The following TNS1 variants were observed in gnomAD, a reference collection of about 807,000 sequenced individuals.
The protein encoded by TNS1 is tensin 1, also known as tensin-1.
Under a neutral mutation model 168.6 loss-of-function variants are expected in TNS1, and 62 were observed. That is an observed-to-expected ratio of 0.37 (90% CI 0.30 to 0.45). The LOEUF (loss-of-function observed/expected upper bound fraction) is 0.45, where lower values mean the gene tolerates loss of function less well. Ranked by LOEUF, TNS1 falls within the 20% of genes least tolerant of loss-of-function variation. The probability of loss-of-function intolerance (pLI) is 1.00; values close to 1 mark genes in which losing one functional copy is unlikely to be tolerated. For synonymous variants in TNS1, 934 were observed against 933.2 expected (o/e 1.00, Z -0.02); for missense variants, 2,240 against 2,339.4 (o/e 0.96, Z 0.88).
intron 7 of TNS1, among the ~76,000 whole-genome samples, chr2:217,899,005 C>T (rs1352212686): frequency 6.6e-6 from 1 of 152,238 alleles, no homozygotes; most frequent in African/African-American, 2.4e-5. Context: ...TTCTGCTAAC[C>T]TTTCACCACA....
chr2:218,003,009 C>A, upstream of TNS1: 2 of 443,958 alleles, frequency 4.5e-6, no homozygotes. Flanking sequence ...GGGCCTCTCG[C>A]CCTGCTGCCT....
At chr2:218,017,680 C>A (rs922937271) in intron 1 of TNS1, among the ~76,000 whole-genome samples, 2 of 152,226 alleles carry the variant, frequency 1.3e-5, no homozygotes, top group African/African-American at 4.8e-5. Context: ...CTATGCTGAG[C>A]CTGCTTCTTC....
chr2:217,879,410 T>G (rs1417558378), intron 18 of TNS1: 1 of 453,726 alleles, frequency 2.2e-6, no homozygotes, highest in African/African-American at 2.0e-5. Flanking sequence ...GCTTTCTGCT[T>G]GGCCGCTCAG....
rs1006618812 is a variant in TNS1, at chr2:217,862,647, G to A, written c.1430-13560C>T. Among the ~76,000 whole-genome samples the A allele has an allele frequency of 9.2e-5, 5 of 54,146 alleles. No individual in the cohort carries two copies. The East Asian group carries it at 1.9e-3, about 21-fold the overall frequency. 35.5% of individuals were successfully genotyped at this position (54,146 alleles called of 152,430 possible). ...TTCATTGGGCCCAACCCACCCACCC[G>A]ATTTCATCTGTCCAAGTCAGCGAAG... On this transcript the variant is annotated intron_variant, in intron 18 of 32. Coordinates refer to ENST00000682258, the MANE Select transcript of TNS1 (RefSeq NM_001387777.1).
intron 1 of TNS1, among the ~76,000 whole-genome samples, chr2:218,026,415 C>T (rs984080006): frequency 2.0e-5 from 3 of 152,160 alleles, no homozygotes; most frequent in Admixed American, 6.5e-5. Flanking sequence ...CAAGAAGACA[C>T]AGATGGAACA....
At chr2:217,980,159 TGGCCCAGCCC>T (rs1958004951) in intron 2 of TNS1, among the ~76,000 whole-genome samples, 1 of 152,076 alleles carries the variant, frequency 6.6e-6, no homozygotes, top group Non-Finnish European at 1.5e-5. Context: ...AACCTAGTCC[TGGCCCAGCCC>T]AGGCCTGTGA....
In TNS1 at chr2:217,895,033, T is replaced by C. The variant is rs1333544964; in HGVS notation, c.567A>G (p.Arg189=). 1.2e-6 allele frequency: 2 copies of C among 1,612,380 alleles called. No homozygotes were observed. Among genetic ancestry groups the C allele is most frequent in the East Asian group, 4.5e-5 (2 of 44,854 alleles). ...TGGCATGGAGCTTCGTGATGTCAGG[T>C]CTCCGCTCAGAGAGGTTGAACAGCT... is the stretch of plus-strand genomic sequence containing the variant. ...NYLLFNLSER[R]PDITKLHAKV... The change falls in exon 9 of 33, where the codon AGA becomes AGG. Residue 189 remains arginine (R), a synonymous_variant. Coordinates refer to ENST00000682258, the MANE Select transcript of TNS1 (RefSeq NM_001387777.1).
At chr2:217,943,080 G>A (rs1022259990) in intron 3 of TNS1, among the ~76,000 whole-genome samples, 1 of 152,162 alleles carries the variant, frequency 6.6e-6, no homozygotes, top group Non-Finnish European at 1.5e-5. Context: ...GGAGGGGTGG[G>A]GGGAGAGGGA....
intron 3 of TNS1, among the ~76,000 whole-genome samples, chr2:217,957,840 CAAAAAAAAA>C (rs35149245): frequency 2.7e-5 from 2 of 74,218 alleles, no homozygotes; most frequent in African/African-American, 7.9e-5. Flanking sequence ...AGTACTCCCG[CAAAAAAAAA>C]AAAAAAAAAA....
intron 3 of TNS1, among the ~76,000 whole-genome samples, chr2:217,928,996 G>A (rs998699270): frequency 2.6e-5 from 4 of 152,228 alleles, no homozygotes; most frequent in Admixed American, 6.5e-5. Flanking sequence ...ACCTGAACGA[G>A]GCAGGGAAGA....
chr2:217,896,121 G>A (rs900620730), intron 8 of TNS1, among the ~76,000 whole-genome samples: 3 of 152,154 alleles, frequency 2.0e-5, no homozygotes, highest in Admixed American at 6.5e-5. Flanking sequence ...CCCACTTTAC[G>A]GACACAGAAG....
Position 217,821,942 on chromosome 2 carries a change from G to C in TNS1, c.3374-4C>G. ...GACTCCACATAGCTCCGGGGCTCTG[G>C]AAGGGGCAAGAGGACAGAGACACTG... On this transcript the variant is annotated splice_polypyrimidine_tract_variant and splice_region_variant and intron_variant, in intron 22 of 32. Transcript: ENST00000682258. 1 of 1,578,842 alleles carries C rather than the reference G, an allele frequency of 6.3e-7. No homozygotes were observed. The highest frequency in any genetic ancestry group is 1.4e-5 in the African/African-American group (1 of 74,024).
intron 19 of TNS1, among the ~76,000 whole-genome samples, chr2:217,836,726 G>A (rs1945228463): frequency 6.6e-6 from 1 of 152,090 alleles, no homozygotes. Flanking sequence ...AGCCCCAGTT[G>A]GCCTCTGGGA....
chr2:217,860,174 C>A (rs1948651469), intron 18 of TNS1, among the ~76,000 whole-genome samples: 1 of 152,208 alleles, frequency 6.6e-6, no homozygotes. Flanking sequence ...AGGCACAGCC[C>A]AACTACTCCC....
At chr2:217,902,756 C>T (rs1306728945) in intron 6 of TNS1, among the ~76,000 whole-genome samples, 1 of 152,188 alleles carries the variant, frequency 6.6e-6, no homozygotes, top group Non-Finnish European at 1.5e-5. Flanking sequence ...GGGAGGAAGC[C>T]ACCCTGGACA....
intron 12 of TNS1, among the ~76,000 whole-genome samples, chr2:217,889,993 G>C (rs1411232378): frequency 1.3e-5 from 2 of 152,216 alleles, no homozygotes; most frequent in Admixed American, 1.3e-4. Context: ...GATCCCTCAG[G>C]ACAGTGGGTC....
In TNS1 at chr2:218,002,846, C is replaced by T; in HGVS notation, c.27G>A (p.Met9Ile). The T allele has an allele frequency of 2.2e-6, 1 of 456,914 alleles. No homozygotes were observed. The highest frequency in any genetic ancestry group is 4.4e-6 in the Non-Finnish European group (1 of 226,990). 28.3% of individuals were successfully genotyped at this position (456,914 alleles called of 1,614,324 possible). A position where few individuals can be genotyped will look rare whatever the true frequency, so the allele number is the denominator to read the frequency against. MTWICLSC[M>I]LWPEDLEAPK... The stretch of plus-strand genomic sequence containing the variant: ...CTAAAGCAGCCAGACCTACCCAGAG[C>T]ATGCAGGACAGACAGATCCACGTCA... The change falls in exon 1 of 33, where the codon ATG (methionine) becomes ATA (isoleucine). Residue 9 changes from methionine (M) to isoleucine (I), a missense_variant. Met to Ile is a conservative substitution (Grantham distance 10). This residue lies in a region of TNS1 where 2,131 missense variants were observed against 2,171.2 expected (regional missense o/e 0.98). Transcript: ENST00000682258.
In TNS1 at chr2:217,848,821, C is replaced by T. The variant is rs1487960854; in HGVS notation, c.1696G>A (p.Asp566Asn). 1.9e-6 allele frequency: 3 copies of T among 1,613,928 alleles called. No individual in the cohort carries two copies. The highest frequency in any genetic ancestry group is 1.7e-6 in the Non-Finnish European group (2 of 1,180,026). Residue 566 changes from aspartate to asparagine, a missense_variant, in exon 19 of 33, where the codon GAC (aspartate) becomes AAC (asparagine). By Grantham distance (23) the Asp-to-Asn change is conservative. This residue lies in a region of TNS1 where 2,131 missense variants were observed against 2,171.2 expected (regional missense o/e 0.98). Transcript: ENST00000682258. ...AAGCCAAAGCCACTCAGCAGGCGGT[C>T]CAGCTCCCGCTTCTCCTGGGGACTC... ...ALSPQEKREL[D>N]RLLSGFGLER...
In TNS1 at chr2:217,848,676, C is replaced by T. The variant is rs1431430256; in HGVS notation, c.1841G>A (p.Gly614Asp). ...HVVPAQVHVNGGALASERETD... is the reference protein window; with the variant it reads ...HVVPAQVHVNDGALASERETD... ...CTCCCGCTCAGATGCTAACGCCCCA[C>T]CATTGACATGAACCTGGGCTGGGAC... The change falls in exon 19 of 33, where the codon GGT becomes GAT. Residue 614 changes from glycine to aspartate, a missense_variant. This residue lies in a region of TNS1 where 2,131 missense variants were observed against 2,171.2 expected (regional missense o/e 0.98). Coordinates refer to ENST00000682258, the MANE Select transcript of TNS1 (RefSeq NM_001387777.1). 2 of 1,614,120 alleles carry T rather than the reference C, an allele frequency of 1.2e-6. No homozygotes were observed. Among genetic ancestry groups the T allele is most frequent in the African/African-American group, 2.7e-5 (2 of 74,950 alleles).
Sources: allele counts gnomAD v4.1 joint callset (sites outside exome capture counted in the v4.1 genomes callset), GRCh38; gene constraint gnomAD v4.1.1; regional missense constraint gnomAD v4.1.1; transcripts MANE v1.5; gene names NCBI Gene and HGNC (gene_info 2026-07-23, HGNC 2026-07-21).